The following CHRM2 variants were observed in gnomAD, a reference collection of about 807,000 sequenced individuals.
CHRM2 encodes cholinergic receptor muscarinic 2, also known as muscarinic acetylcholine receptor M2.
Under a neutral mutation model 25.0 loss-of-function variants are expected in CHRM2, and 8 were observed. The observed-to-expected ratio is 0.32, with a 90% CI of 0.19 to 0.58. CHRM2 has a LOEUF of 0.58. CHRM2 is among the 20% of genes least tolerant of loss of function. CHRM2 has a pLI of 0.88. For missense variants in CHRM2, 440 were observed against 567.1 expected, an observed-to-expected ratio of 0.78 and a Z score of 2.28; for synonymous variants, 202 against 205.7, an observed-to-expected ratio of 0.98 and a Z score of 0.15.
chr7:136,892,406 G>A (rs534023784), intron 2 of CHRM2, among the ~76,000 whole-genome samples: 55 of 152,102 alleles, frequency 3.6e-4, no homozygotes, highest in African/African-American at 9.6e-4. Flanking sequence ...CATACTTGGC[G>A]GTCTCTGAAC....
At chr7:136,982,387 C>T (rs1243396366) in intron 2 of CHRM2, among the ~76,000 whole-genome samples, 2 of 152,146 alleles carry the variant, frequency 1.3e-5, no homozygotes, top group East Asian at 3.9e-4. Flanking sequence ...CGGATGTTGA[C>T]TCTTTATCCA....
At chr7:136,873,089 C>G (rs1055807437) in intron 2 of CHRM2, among the ~76,000 whole-genome samples, 1 of 152,206 alleles carries the variant, frequency 6.6e-6, no homozygotes, top group Non-Finnish European at 1.5e-5. Context: ...GACATGGACT[C>G]TCCGTGGCAT....
At chr7:136,884,695 G>A (rs1421699081) in intron 2 of CHRM2, among the ~76,000 whole-genome samples, 2 of 152,292 alleles carry the variant, frequency 1.3e-5, no homozygotes, top group East Asian at 3.9e-4. Context: ...GGAATGTTGG[G>A]AAGGCACTTG....
chr7:136,955,610 C>T (rs1287935133), intron 2 of CHRM2, among the ~76,000 whole-genome samples: 1 of 152,158 alleles, frequency 6.6e-6, no homozygotes, highest in African/African-American at 2.4e-5. Flanking sequence ...GCCTTTGTCT[C>T]TCTGTGCTTA....
chr7:136,869,878 G>T lies in CHRM2; in HGVS notation c.-125+460G>T, dbSNP rs1795747120. The T allele has an allele frequency of 6.6e-6, 1 of 152,470 alleles. No individual in the cohort carries two copies. Among genetic ancestry groups the T allele is most frequent in the Admixed American group, 6.5e-5 (1 of 15,278 alleles). The allele number at this position is 152,470 out of a possible 1,614,324, so 9.4% of individuals were successfully genotyped here. On this transcript the variant is annotated intron_variant, in intron 2 of 3. Coordinates refer to ENST00000680005, the MANE Select transcript of CHRM2 (RefSeq NM_001006630.2). This position sits in a 1 kb window ranked among gnomAD's most constrained non-coding sequence, Gnocchi z 4.9. The stretch of plus-strand genomic sequence containing the variant: ...GGTTCCTTCCTGCTGGGGTCTGACC[G>T]CGTCTTCTGTGCGTGTGGGATGGAG...
intron 2 of CHRM2, among the ~76,000 whole-genome samples, chr7:136,921,790 C>CTTTTTTTTTTTTTTTTTTTTT (rs201063228): frequency 2.6e-5 from 3 of 114,080 alleles, no homozygotes; most frequent in East Asian, 2.0e-4. Flanking sequence ...TTCTTTCTTT[C>CTTTTTTTTTTTTTTTTTTTTT]TTTCTTTTTT....
In CHRM2 at chr7:136,868,786, A is replaced by C. The variant is rs1795697860; in HGVS notation, c.-489A>C. ...CACACACACACACAGACACACACACACTCACACACTCCAGGCTGCGGGTTG... is the reference window on the plus strand; with the variant it reads ...CACACACACACACAGACACACACACCCTCACACACTCCAGGCTGCGGGTTG... On this transcript the variant is annotated 5_prime_UTR_variant, in exon 1 of 4. Coordinates refer to ENST00000680005, the MANE Select transcript of CHRM2 (RefSeq NM_001006630.2). 1 of 151,052 alleles carries C rather than the reference A, an allele frequency of 6.6e-6. No individual in the cohort carries two copies. The highest frequency in any genetic ancestry group is 6.6e-5 in the Admixed American group (1 of 15,166). 9.4% of individuals were successfully genotyped at this position (151,052 alleles called of 1,614,324 possible).
intron 2 of CHRM2, among the ~76,000 whole-genome samples, chr7:136,977,983 A>C (rs902843995): frequency 6.6e-6 from 1 of 152,056 alleles, no homozygotes; most frequent in Non-Finnish European, 1.5e-5. Flanking sequence ...TTCCCGTACC[A>C]TTTACTGCAT....
At chr7:137,003,506 ACACACACACACACACACACAC>A (rs1804205068) in intron 3 of CHRM2, among the ~76,000 whole-genome samples, 1 of 149,814 alleles carries the variant, frequency 6.7e-6, no homozygotes, top group African/African-American at 2.5e-5. Flanking sequence ...ACACACACAC[ACACACACACACACACACACAC>A]ACACACACAC....
At chr7:137,007,748 G>C (rs1450271661) in intron 3 of CHRM2, among the ~76,000 whole-genome samples, 1 of 152,060 alleles carries the variant, frequency 6.6e-6, no homozygotes, top group Non-Finnish European at 1.5e-5. Flanking sequence ...TTCAAGATTG[G>C]TAAGGGTCAT....
intron 3 of CHRM2, among the ~76,000 whole-genome samples, chr7:136,995,423 T>C (rs1457956662): frequency 3.3e-5 from 5 of 152,164 alleles, no homozygotes; most frequent in Non-Finnish European, 5.9e-5. Flanking sequence ...TTGATATGAA[T>C]ACTCAACATT....
At chr7:136,873,036 TTTTC>T (rs1261252552) in intron 2 of CHRM2, among the ~76,000 whole-genome samples, 2 of 152,194 alleles carry the variant, frequency 1.3e-5, no homozygotes, top group African/African-American at 4.8e-5. Context: ...GAAGAATTGG[TTTTC>T]TTTATTTAAA....
At chr7:136,882,394 C>T (rs564274828) in intron 2 of CHRM2, among the ~76,000 whole-genome samples, 5 of 151,370 alleles carry the variant, frequency 3.3e-5, no homozygotes, top group Non-Finnish European at 5.9e-5. Flanking sequence ...TCCCCTTTCT[C>T]CTCCTCCCCC....
Position 136,937,958 on chromosome 7 carries a change from A to G in CHRM2, c.-124-54229A>G, listed in dbSNP as rs184178498. Reference sequence around the variant, plus strand: ...TAATTGAGGGTTTGTATCAGAAAAAAAGAGCAATGAAGCCTGATGGCTTTG... The same window carrying G: ...TAATTGAGGGTTTGTATCAGAAAAAGAGAGCAATGAAGCCTGATGGCTTTG... On this transcript the variant is annotated intron_variant, in intron 2 of 3. Coordinates refer to ENST00000680005, the MANE Select transcript of CHRM2 (RefSeq NM_001006630.2). 1.8e-3 allele frequency among the ~76,000 whole-genome samples: 275 copies of G among 152,300 alleles called. 1 individual carries two copies. Among genetic ancestry groups the G allele is most frequent in the Admixed American group, 7.3e-3 (111 of 15,304 alleles).
intron 3 of CHRM2, among the ~76,000 whole-genome samples, chr7:136,997,352 T>A (rs1277358313): frequency 6.6e-6 from 1 of 152,182 alleles, no homozygotes; most frequent in Admixed American, 6.6e-5. Context: ...TCCCCTGAAG[T>A]TGGCTAGAAG....
At chr7:136,970,388 C>A (rs900059484) in intron 2 of CHRM2, among the ~76,000 whole-genome samples, 1 of 152,146 alleles carries the variant, frequency 6.6e-6, no homozygotes, top group Non-Finnish European at 1.5e-5. Flanking sequence ...CCAAGATATA[C>A]CCGTCCAATT....
intron 2 of CHRM2, among the ~76,000 whole-genome samples, chr7:136,978,238 T>C (rs1386693613): frequency 6.6e-6 from 1 of 152,172 alleles, no homozygotes; most frequent in East Asian, 1.9e-4. Context: ...CAATTATTTT[T>C]AAAAAGAATT....
chr7:136,961,068 C>A (rs894454458), intron 2 of CHRM2, among the ~76,000 whole-genome samples: 1 of 151,838 alleles, frequency 6.6e-6, no homozygotes, highest in African/African-American at 2.4e-5. Context: ...GAGATTGCAG[C>A]GAGCCAAGAT....
At chr7:136,956,519 T>G (rs916162340) in intron 2 of CHRM2, among the ~76,000 whole-genome samples, 8 of 152,196 alleles carry the variant, frequency 5.3e-5, no homozygotes, top group African/African-American at 1.9e-4. Context: ...TTACTGAACA[T>G]CAATATGTAA....
Sources: gnomAD v4.1 joint callset for allele counts (sites outside exome capture counted in the v4.1 genomes callset) on GRCh38, gnomAD v4.1.1 for gene constraint, Gnocchi (gnomAD v3.1) non-coding constraint, MANE v1.5 for transcripts, NCBI Gene and HGNC (gene_info 2026-07-23, HGNC 2026-07-21) for gene names.